The following GABBR2 variants were observed in gnomAD, a reference collection of about 807,000 sequenced individuals.
GABBR2 encodes the protein G-protein coupled receptor 51.
GABBR2 carries 23 observed loss-of-function variants against 105.6 expected under a neutral mutation model. The observed-to-expected ratio is 0.22, with a 90% confidence interval of 0.16 to 0.31. The LOEUF (loss-of-function observed/expected upper bound fraction) is 0.31. Among genes scored for constraint, GABBR2 ranks in the 10% least tolerant of loss-of-function variants. GABBR2 has a pLI of 1.00. For synonymous variants in GABBR2, 478 were observed against 499.7 expected (o/e 0.96, Z 0.58); for missense variants, 734 against 1,245.5 (o/e 0.59, Z 6.18).
chr9:98,483,836 C>T (rs1826983256), intron 4 of GABBR2, among the ~76,000 whole-genome samples: 1 of 152,218 alleles, frequency 6.6e-6, no homozygotes, highest in Non-Finnish European at 1.5e-5. Context: ...TCACCCTGTG[C>T]TTGCCTCCAA....
intron 9 of GABBR2, among the ~76,000 whole-genome samples, chr9:98,389,886 T>C (rs1407230813): frequency 6.6e-6 from 1 of 152,014 alleles, no homozygotes; most frequent in East Asian, 1.9e-4. Context: ...TTCTCTCCAG[T>C]AGGGGTATGT....
chr9:98,348,832 T>C (rs962385686), intron 13 of GABBR2, among the ~76,000 whole-genome samples: 5 of 152,190 alleles, frequency 3.3e-5, no homozygotes, highest in Admixed American at 6.5e-5. Flanking sequence ...GTGGAGTCTT[T>C]AGGTTTTTAT....
chr9:98,382,021 C>T (rs190882338), intron 11 of GABBR2, among the ~76,000 whole-genome samples: 8 of 152,204 alleles, frequency 5.3e-5, no homozygotes, highest in South Asian at 2.1e-4. Flanking sequence ...GTGAACAAGG[C>T]GAGATGTCAG....
intron 8 of GABBR2, among the ~76,000 whole-genome samples, chr9:98,404,740 T>C (rs1480218943): frequency 6.6e-6 from 1 of 152,064 alleles, no homozygotes; most frequent in Admixed American, 6.6e-5. Context: ...CACAAAGAAA[T>C]TGGTCTGGAT....
At position 98,315,508 on chromosome 9, in the gene GABBR2, A is replaced by C. The variant is rs1490266465; in HGVS notation, c.1894-4303T>G. ...TGGAAGAAAATCAAGTGACTCCTGCACTGAACCACAAAGCAGACTGTACAA... is the reference window on the plus strand; with the variant it reads ...TGGAAGAAAATCAAGTGACTCCTGCCCTGAACCACAAAGCAGACTGTACAA... On this transcript the variant is annotated intron_variant, in intron 13 of 18. Transcript: ENST00000259455. 2.0e-5 allele frequency among the ~76,000 whole-genome samples: 3 copies of C among 152,340 alleles called. No homozygotes were observed. In the East Asian group the frequency reaches 5.8e-4, roughly 29 times the overall value.
intron 2 of GABBR2, among the ~76,000 whole-genome samples, chr9:98,573,015 G>A (rs534141276): frequency 7.9e-5 from 12 of 152,316 alleles, no homozygotes; most frequent in African/African-American, 2.9e-4. Flanking sequence ...TGGAGGCTGA[G>A]ATTCTGCATG....
chr9:98,701,702 A>G (rs1180151872), intron 1 of GABBR2, among the ~76,000 whole-genome samples: 2 of 152,106 alleles, frequency 1.3e-5, no homozygotes, highest in African/African-American at 4.8e-5. Context: ...CAACTATGAT[A>G]CCGGCAGAAG....
chr9:98,574,748 G>A (rs1828884711), intron 2 of GABBR2, among the ~76,000 whole-genome samples: 1 of 152,166 alleles, frequency 6.6e-6, no homozygotes, highest in African/African-American at 2.4e-5. Context: ...AGGTAGCTGT[G>A]GTCTGCAAGC....
At chr9:98,551,565 C>T (rs1828486107) in intron 2 of GABBR2, among the ~76,000 whole-genome samples, 1 of 152,152 alleles carries the variant, frequency 6.6e-6, no homozygotes, top group Admixed American at 6.6e-5. Context: ...GCCTCTCAAA[C>T]ACAGCAAGTT....
chr9:98,416,629 C>T (rs915010860), intron 7 of GABBR2, among the ~76,000 whole-genome samples: 1 of 152,232 alleles, frequency 6.6e-6, no homozygotes, highest in African/African-American at 2.4e-5. Context: ...CTTTGAGGGG[C>T]CATCAGACAT....
intron 7 of GABBR2, among the ~76,000 whole-genome samples, chr9:98,447,234 T>A (rs1826148923): frequency 7.1e-6 from 1 of 141,024 alleles, no homozygotes; most frequent in Non-Finnish European, 1.5e-5. Flanking sequence ...GCTAATTTTT[T>A]GTATTTTTAG....
intron 9 of GABBR2, among the ~76,000 whole-genome samples, chr9:98,390,934 C>A (rs775215450): frequency 6.6e-6 from 1 of 152,148 alleles, no homozygotes; most frequent in Non-Finnish European, 1.5e-5. Context: ...GATGGCTCCA[C>A]AAGGGGTATT....
At chr9:98,535,957 G>A (rs1828170690) in intron 3 of GABBR2, among the ~76,000 whole-genome samples, 1 of 152,078 alleles carries the variant, frequency 6.6e-6, no homozygotes, top group South Asian at 2.1e-4. Context: ...CACCAAGAGT[G>A]AACCCTAATG....
chr9:98,699,475 G>T (rs149313144), intron 1 of GABBR2, among the ~76,000 whole-genome samples: 6 of 152,124 alleles, frequency 3.9e-5, no homozygotes, highest in Admixed American at 3.3e-4. Flanking sequence ...TACTCCATTT[G>T]TTAAAACTCT....
At chr9:98,563,436 C>T (rs532352759) in intron 2 of GABBR2, among the ~76,000 whole-genome samples, 6 of 152,300 alleles carry the variant, frequency 3.9e-5, no homozygotes, top group East Asian at 3.9e-4. Flanking sequence ...ACCGGAGGCA[C>T]GCCCTGGAAA....
chr9:98,327,674 GC>G (rs1286140663), intron 13 of GABBR2, among the ~76,000 whole-genome samples: 1 of 151,936 alleles, frequency 6.6e-6, no homozygotes, highest in Admixed American at 6.6e-5. Flanking sequence ...TTTGAGACCA[GC>G]CTGGTCAACA....
chr9:98,534,473 G>A (rs1828130260), intron 3 of GABBR2, among the ~76,000 whole-genome samples: 3 of 152,202 alleles, frequency 2.0e-5, no homozygotes, highest in Admixed American at 6.5e-5. Flanking sequence ...AATAACAGCT[G>A]CCCCTTGCAT....
rs150084414 is a variant in GABBR2 at position 98,336,476 on chromosome 9, C to T, written c.1894-25271G>A. On this transcript the variant is annotated intron_variant, in intron 13 of 18. Transcript: ENST00000259455. Reference sequence around the variant, plus strand: ...ATCCCAGCACTTTGGGAGGCCAAGGCGGGTGGATCACAAAGTCAGGAGTTT... The same window carrying T: ...ATCCCAGCACTTTGGGAGGCCAAGGTGGGTGGATCACAAAGTCAGGAGTTT... Among the ~76,000 whole-genome samples, 554 of 152,262 alleles carry T rather than the reference C, an allele frequency of 3.6e-3. 2 individuals carry two copies. Among genetic ancestry groups the T allele is most frequent in the African/African-American group, 0.012 (511 of 41,554 alleles).
intron 1 of GABBR2, among the ~76,000 whole-genome samples, chr9:98,609,376 C>T (rs1051163425): frequency 6.6e-6 from 1 of 152,184 alleles, no homozygotes; most frequent in African/African-American, 2.4e-5. Context: ...TGCCTTTGCT[C>T]CTCACCTCCC....
Sources: allele counts gnomAD v4.1 joint callset (sites outside exome capture counted in the v4.1 genomes callset), GRCh38; gene constraint gnomAD v4.1.1; transcripts MANE v1.5; gene names NCBI Gene and HGNC (gene_info 2026-07-23, HGNC 2026-07-21).